Variants in IL17RD observed in about 807,000 individuals in gnomAD.
IL17RD encodes interleukin 17 receptor D.
In IL17RD, 52 loss-of-function variants were observed where a neutral mutation model predicts 80.5. That is an observed-to-expected ratio of 0.65 (90% CI 0.52 to 0.81). IL17RD has a LOEUF of 0.81. Among genes scored for constraint, IL17RD ranks in the 40% least tolerant of loss-of-function variants. The pLI is 0.00. For synonymous variants in IL17RD, 416 were observed against 391.8 expected (o/e 1.06, Z -0.73); for missense variants, 1,024 against 955.1 (o/e 1.07, Z -0.95).
chr3:57,095,520 C>T lies in IL17RD; in HGVS notation c.*873G>A, dbSNP rs1706652074. 6.6e-6 allele frequency: 1 copy of T among 152,242 alleles called. No homozygotes were observed. The highest frequency in any genetic ancestry group is 2.4e-5 in the African/African-American group (1 of 41,444). 9.4% of individuals were successfully genotyped at this position (152,242 alleles called of 1,614,324 possible). On this transcript the variant is annotated 3_prime_UTR_variant, in exon 13 of 13. Transcript: ENST00000296318. ...ACCAGAAGGCCAACCAAAGCACGAA[C>T]TGCAACTTCCAATAATACAGACCAG...
Position 57,105,536 on chromosome 3 carries a change from CAA to C in IL17RD, c.747+319_747+320del, listed in dbSNP as rs745910085. Among the ~76,000 whole-genome samples, 54 of 35,616 alleles carry C rather than the reference CAA, an allele frequency of 1.5e-3. 1 individual carries two copies. Among genetic ancestry groups the C allele is most frequent in the African/African-American group, 4.9e-3 (49 of 9,998 alleles). 23.4% of individuals were successfully genotyped at this position (35,616 alleles called of 152,430 possible). A position where few individuals can be genotyped will look rare whatever the true frequency, so the allele number is the denominator to read the frequency against. On this transcript the variant is annotated intron_variant, in intron 7 of 12. Transcript: ENST00000296318. ...TGGGCAACAGAGCAAGACTCCATCT[CAA>C]AAAAAAAAAAAAAAATATATATATA...
At chr3:57,146,173 AT>A (rs1707926539) in intron 1 of IL17RD, among the ~76,000 whole-genome samples, 2 of 152,236 alleles carry the variant, frequency 1.3e-5, no homozygotes, top group South Asian at 4.1e-4. Flanking sequence ...TTTTCATAAT[AT>A]GCTGGTAAGT....
At chr3:57,164,909 C>T (rs1261056232) in intron 1 of IL17RD, 2 of 1,245,088 alleles carry the variant, frequency 1.6e-6, no homozygotes, top group East Asian at 4.2e-5. Flanking sequence ...GAATGGGACC[C>T]CGGCCGGCGG....
intron 2 of IL17RD, among the ~76,000 whole-genome samples, chr3:57,118,647 A>C (rs1707268448): frequency 6.6e-6 from 1 of 152,166 alleles, no homozygotes. Context: ...ATGCCCTTAG[A>C]AAACAGTTCA....
chr3:57,167,652 A>G (rs562268553), upstream of IL17RD, among the ~76,000 whole-genome samples: 1 of 152,316 alleles, frequency 6.6e-6, no homozygotes, highest in African/African-American at 2.4e-5. Context: ...ATACCCTAAC[A>G]CACTTACCTT....
At position 57,110,182 on chromosome 3, in the gene IL17RD, G is replaced by A. The variant is rs868728883; in HGVS notation, c.429+11C>T. 6.3e-7 allele frequency: 1 copy of A among 1,579,446 alleles called. No homozygotes were observed. The highest frequency in any genetic ancestry group is 8.6e-7 in the Non-Finnish European group (1 of 1,161,240). On this transcript the variant is annotated intron_variant, in intron 4 of 12. Coordinates refer to ENST00000296318, the MANE Select transcript of IL17RD (RefSeq NM_017563.5). ...CATGTCTTCAGGAGCACGTTCCCCA[G>A]TGTGACTTACAGTTCTTTTGAAGCT...
intron 1 of IL17RD, among the ~76,000 whole-genome samples, chr3:57,120,794 A>G (rs7430731): frequency 0.91 from 138,916 of 152,300 alleles, 63,907 homozygotes; most frequent in African/African-American, 0.98. Context: ...GGGAATGAGT[A>G]TGGGAATAAG....
At chr3:57,133,058 C>T (rs192600778) in intron 1 of IL17RD, among the ~76,000 whole-genome samples, 1 of 152,278 alleles carries the variant, frequency 6.6e-6, no homozygotes, top group African/African-American at 2.4e-5. Flanking sequence ...CCTACTCCAG[C>T]CACAGCAAAA....
intron 1 of IL17RD, among the ~76,000 whole-genome samples, chr3:57,124,923 C>T (rs1707418525): frequency 6.6e-6 from 1 of 152,142 alleles, no homozygotes; most frequent in Non-Finnish European, 1.5e-5. Flanking sequence ...AGAACATGCA[C>T]CCATCAGAGC....
In IL17RD at chr3:57,146,036, C is replaced by CACGCGT. The variant is rs61094060; in HGVS notation, c.126+19124_126+19125insACGCGT. 1.2e-4 allele frequency among the ~76,000 whole-genome samples: 17 copies of CACGCGT among 138,252 alleles called. 1 individual carries two copies. In the East Asian group the frequency reaches 2.9e-3, roughly 24 times the overall value. 90.7% of individuals were successfully genotyped at this position (138,252 alleles called of 152,430 possible). A position where few individuals can be genotyped will look rare whatever the true frequency, so the allele number is the denominator to read the frequency against. ...GTGCGCGCACACACACACTCACGCGCGCGCGCGCGCACACACACACACACT... is the reference window on the plus strand; with the variant it reads ...GTGCGCGCACACACACACTCACGCGCACGCGTGCGCGCGCGCACACACACACACACT... On this transcript the variant is annotated intron_variant, in intron 1 of 12. Transcript: ENST00000296318.
chr3:57,146,934 G>A (rs1382197976), intron 1 of IL17RD, among the ~76,000 whole-genome samples: 3 of 145,660 alleles, frequency 2.1e-5, no homozygotes, highest in Non-Finnish European at 3.0e-5. Context: ...CAATTATCCT[G>A]CCTCAGCTTC....
Position 57,091,708 on chromosome 3 carries a change from C to T in IL17RD, c.*4685G>A, listed in dbSNP as rs527324523. 6.6e-6 allele frequency: 1 copy of T among 152,598 alleles called. No individual in the cohort carries two copies. Among genetic ancestry groups the T allele is most frequent in the East Asian group, 1.9e-4 (1 of 5,188 alleles). 9.5% of individuals were successfully genotyped at this position (152,598 alleles called of 1,614,324 possible). On this transcript the variant is annotated 3_prime_UTR_variant, in exon 13 of 13. Transcript: ENST00000296318. The stretch of plus-strand genomic sequence containing the variant: ...GTGACCAGCTGTTCTTTCTCCACTA[C>T]AAGCCGAACAAAAGGAAGCTGGCTT...
chr3:57,169,718 T>C (rs1183122539), upstream of IL17RD, among the ~76,000 whole-genome samples: 3 of 152,260 alleles, frequency 2.0e-5, no homozygotes, highest in African/African-American at 4.8e-5. Flanking sequence ...ACATTAAAGG[T>C]AAAGAGTGTC....
rs1356757051 is a variant in IL17RD, at chr3:57,098,315, T to C, written c.1388A>G (p.Gln463Arg). 6.2e-7 allele frequency: 1 copy of C among 1,613,932 alleles called. No homozygotes were observed. The highest frequency in any genetic ancestry group is 2.2e-5 in the East Asian group (1 of 44,894). ...CGCCGCGGACGAACTCTGCTTGGCC[T>C]GGCGGAGCTTTTCGGCAATGGCTGA... is the stretch of plus-strand genomic sequence containing the variant. ...AVSAIAEKLRQAKQSSSAALS... is the reference protein window; with the variant it reads ...AVSAIAEKLRRAKQSSSAALS... The change falls in exon 12 of 13, where the codon CAG (glutamine) becomes CGG (arginine). Residue 463 changes from glutamine (Q) to arginine (R), a missense_variant. Coordinates refer to ENST00000296318, the MANE Select transcript of IL17RD (RefSeq NM_017563.5).
upstream of IL17RD, chr3:57,170,254 A>T (rs894570562): frequency 6.6e-6 from 1 of 152,320 alleles, no homozygotes; most frequent in South Asian, 2.1e-4. Flanking sequence ...CACGGAATTC[A>T]CCGGCCCACG....
At chr3:57,106,070 G>A (rs373242355) in intron 6 of IL17RD, 40 bp downstream of exon 6, 237 of 1,609,348 alleles carry the variant, frequency 1.5e-4, no homozygotes, top group African/African-American at 2.9e-4. Flanking sequence ...TCATAGTGGC[G>A]ATACTTTGAG....
chr3:57,149,830 C>A lies in IL17RD; in HGVS notation c.126+15331G>T, dbSNP rs1042696977. 1.9e-4 allele frequency among the ~76,000 whole-genome samples: 29 copies of A among 152,318 alleles called. 1 individual carries two copies. In the South Asian group the frequency reaches 4.4e-3, roughly 23 times the overall value. ...TAGCTGGGCAGCTCTTCCCAGCTGT[C>A]ACCAGGCACCACAGGCCATCTCAAC... On this transcript the variant is annotated intron_variant, in intron 1 of 12. Coordinates refer to ENST00000296318, the MANE Select transcript of IL17RD (RefSeq NM_017563.5).
rs371343818 is a variant in IL17RD, at chr3:57,096,387, G to A, written c.*6C>T. The A allele has an allele frequency of 8.7e-6, 14 of 1,602,782 alleles. No homozygotes were observed. The highest frequency in any genetic ancestry group is 1.6e-4 in the Middle Eastern group (1 of 6,072). On this transcript the variant is annotated 3_prime_UTR_variant, in exon 13 of 13. Coordinates refer to ENST00000296318, the MANE Select transcript of IL17RD (RefSeq NM_017563.5). Reference sequence around the variant, plus strand: ...AAAGTGGCAATGCTTAGACTCTTTCGTTTTGTTACAAAGGGGCGACCGCGT... The same window carrying A: ...AAAGTGGCAATGCTTAGACTCTTTCATTTTGTTACAAAGGGGCGACCGCGT...
In IL17RD at chr3:57,098,304, T is replaced by G; in HGVS notation, c.1399A>C (p.Ser467Arg). Residue 467 changes from serine (S) to arginine (R), a missense_variant, in exon 12 of 13, where the codon AGT (serine) becomes CGT (arginine). Ser to Arg is a moderately radical substitution (Grantham distance 110). Transcript: ENST00000296318. ...IAEKLRQAKQSSSAALSKFIA... is the reference protein window; with the variant it reads ...IAEKLRQAKQRSSAALSKFIA... Reference sequence around the variant, plus strand: ...AACTTGCTGAGCGCCGCGGACGAACTCTGCTTGGCCTGGCGGAGCTTTTCG... The same window carrying G: ...AACTTGCTGAGCGCCGCGGACGAACGCTGCTTGGCCTGGCGGAGCTTTTCG... 1.2e-6 allele frequency: 2 copies of G among 1,614,010 alleles called. No homozygotes were observed. Among genetic ancestry groups the G allele is most frequent in the Middle Eastern group, 1.6e-4 (1 of 6,062 alleles).
Sources: gnomAD v4.1 joint callset for allele counts (sites outside exome capture counted in the v4.1 genomes callset) on GRCh38, gnomAD v4.1.1 for gene constraint, MANE v1.5 for transcripts, NCBI Gene and HGNC (gene_info 2026-07-23, HGNC 2026-07-21) for gene names.